Variants in ABCA13 observed in about 807,000 individuals in gnomAD.
ABCA13 encodes the protein ATP binding cassette subfamily A member 13.
A neutral mutation model predicts 478.7 loss-of-function variants in ABCA13; 476 were observed. The ratio of observed to expected loss-of-function variants is 0.99; its 90% CI spans 0.92 to 1.07. The LOEUF is 1.07. Ranked by LOEUF, ABCA13 falls within the 50% of genes least tolerant of loss-of-function variation. The pLI, the probability that ABCA13 is intolerant of heterozygous loss-of-function variation, is 0.00. For missense variants in ABCA13, 6,060 were observed against 5,910.6 expected, an observed-to-expected ratio of 1.03 and a Z score of -0.83; for synonymous variants, 2,252 against 2,158.9, an observed-to-expected ratio of 1.04 and a Z score of -1.20.
chr7:48,239,215 T>C (rs1472276796), intron 8 of ABCA13, 26 bp from the exon 9 acceptor site: 1 of 1,612,542 alleles, frequency 6.2e-7, no homozygotes, highest in African/African-American at 1.3e-5. Flanking sequence ...GCTTTATGTC[T>C]AAATATTTTT....
At chr7:48,345,986 A>G (rs185386053) in intron 29 of ABCA13, among the ~76,000 whole-genome samples, 1 of 152,334 alleles carries the variant, frequency 6.6e-6, no homozygotes, top group East Asian at 1.9e-4. Flanking sequence ...AATCCTTACC[A>G]TCGTGTTACA....
intron 43 of ABCA13, among the ~76,000 whole-genome samples, chr7:48,459,283 C>T (rs376391378): frequency 2.0e-5 from 3 of 152,202 alleles, no homozygotes; most frequent in East Asian, 3.9e-4. Flanking sequence ...CTCCATATTG[C>T]CCAAGGGATG....
chr7:48,635,654 G>A (rs1266717797), intron 59 of ABCA13, among the ~76,000 whole-genome samples: 3 of 152,176 alleles, frequency 2.0e-5, no homozygotes, highest in African/African-American at 7.2e-5. Flanking sequence ...TGTAGCTGGG[G>A]CCAGAATGAG....
intron 27 of ABCA13, among the ~76,000 whole-genome samples, chr7:48,325,786 G>A (rs747163092): frequency 6.6e-6 from 1 of 152,204 alleles, no homozygotes; most frequent in Non-Finnish European, 1.5e-5. Flanking sequence ...CTTGCCCCTA[G>A]AGCTGGGGCA....
chr7:48,525,309 C>T (rs763463678), intron 54 of ABCA13, among the ~76,000 whole-genome samples: 13 of 151,930 alleles, frequency 8.6e-5, no homozygotes, highest in Non-Finnish European at 1.5e-4. Flanking sequence ...TCTTACCCAT[C>T]TTATTGAACT....
At chr7:48,207,808 T>C (rs116948696) in intron 3 of ABCA13, among the ~76,000 whole-genome samples, 6,586 of 152,272 alleles carry the variant, frequency 0.043, 221 homozygotes, top group Admixed American at 0.11. Context: ...TTGAGCTTGA[T>C]GTGATCCATT....
At chr7:48,418,901 G>A (rs1403178421) in intron 41 of ABCA13, among the ~76,000 whole-genome samples, 1 of 152,152 alleles carries the variant, frequency 6.6e-6, no homozygotes, top group African/African-American at 2.4e-5. Flanking sequence ...AAATACCTGA[G>A]ACTGGGTAAT....
In ABCA13 at chr7:48,272,951, G is replaced by A; in HGVS notation, c.3285G>A (p.Leu1095=). The change falls in exon 17 of 62, where the codon TTG becomes TTA. Residue 1095 remains leucine (L), a synonymous_variant. Transcript: ENST00000435803. The stretch of plus-strand genomic sequence containing the variant: ...TCAACAGTTCAGTAGAAGACCTATT[G>A]GATAATAAATGCTTGATTTCGGACA... The part of the protein sequence containing the change: ...QFFNSSVEDL[L]DNKCLISDNK... 6.2e-7 allele frequency: 1 copy of A among 1,613,200 alleles called. No individual in the cohort carries two copies. Among genetic ancestry groups the A allele is most frequent in the Non-Finnish European group, 8.5e-7 (1 of 1,179,528 alleles).
In ABCA13 at chr7:48,271,818, A is replaced by T; in HGVS notation, c.2152A>T (p.Met718Leu). 1 of 1,544,216 alleles carries T rather than the reference A, an allele frequency of 6.5e-7. No homozygotes were observed. Among genetic ancestry groups the T allele is most frequent in the South Asian group, 1.2e-5 (1 of 80,250 alleles). ...AAATTTCACAAAGCACCTTCTAATG[A>T]TGGAAAAGAAGTTGCACACCCTTGA... is the stretch of plus-strand genomic sequence containing the variant. ...ALNFTKHLLM[M>L]EKKLHTLEDE... Residue 718 changes from methionine to leucine, a missense_variant, in exon 17 of 62, where the codon ATG becomes TTG. Met to Leu is a conservative substitution (Grantham distance 15, BLOSUM62 2). Coordinates refer to ENST00000435803, the MANE Select transcript of ABCA13 (RefSeq NM_152701.5).
At chr7:48,287,463 G>T (rs977349283) in intron 19 of ABCA13, among the ~76,000 whole-genome samples, 22 of 152,298 alleles carry the variant, frequency 1.4e-4, no homozygotes, top group African/African-American at 5.3e-4. Context: ...AGATGGGGAG[G>T]TTGGTTGGCT....
At chr7:48,205,319 A>AT (rs139073752) in intron 3 of ABCA13, among the ~76,000 whole-genome samples, 3 of 151,916 alleles carry the variant, frequency 2.0e-5, no homozygotes, top group African/African-American at 7.2e-5. Context: ...ATTTAACTGC[A>AT]TTTTTTTTCC....
At chr7:48,527,471 G>A (rs1832959513) in intron 54 of ABCA13, among the ~76,000 whole-genome samples, 1 of 152,102 alleles carries the variant, frequency 6.6e-6, no homozygotes, top group African/African-American at 2.4e-5. Flanking sequence ...GAAGGAGATT[G>A]ACAGAACCAG....
chr7:48,613,135 A>C (rs1792190262), intron 58 of ABCA13, among the ~76,000 whole-genome samples: 1 of 151,896 alleles, frequency 6.6e-6, no homozygotes, highest in Non-Finnish European at 1.5e-5. Flanking sequence ...AACATATATT[A>C]GTTCTTTATA....
At chr7:48,248,143 C>A in intron 13 of ABCA13, 96 bp from the exon 14 acceptor site, 2 of 969,576 alleles carry the variant, frequency 2.1e-6, no homozygotes, top group East Asian at 2.6e-5. Flanking sequence ...TTTGAGTGGA[C>A]CCCTTGTTTA....
At chr7:48,217,572 T>A (rs1786673818) in intron 3 of ABCA13, among the ~76,000 whole-genome samples, 1 of 152,176 alleles carries the variant, frequency 6.6e-6, no homozygotes. Flanking sequence ...AGTGTGACAC[T>A]GCTTTAAACA....
intron 50 of ABCA13, among the ~76,000 whole-genome samples, chr7:48,510,120 C>T (rs991337158): frequency 1.3e-5 from 2 of 152,178 alleles, no homozygotes; most frequent in Non-Finnish European, 2.9e-5. Flanking sequence ...CAAAGAGATT[C>T]TTATGAGAGG....
At chr7:48,323,652 G>C (rs1803859183) in intron 27 of ABCA13, among the ~76,000 whole-genome samples, 2 of 152,238 alleles carry the variant, frequency 1.3e-5, no homozygotes, top group Non-Finnish European at 2.9e-5. Context: ...AAGGTTGAAA[G>C]AGGATAAGTT....
At chr7:48,176,645 A>G (rs985091303) in intron 1 of ABCA13, among the ~76,000 whole-genome samples, 2 of 152,138 alleles carry the variant, frequency 1.3e-5, no homozygotes, top group Non-Finnish European at 2.9e-5. Flanking sequence ...TCTGAGTTCA[A>G]ATGCCATCCC....
At chr7:48,639,656 C>T (rs900883884) in intron 59 of ABCA13, among the ~76,000 whole-genome samples, 1 of 152,142 alleles carries the variant, frequency 6.6e-6, no homozygotes, top group Non-Finnish European at 1.5e-5. Context: ...TGTGAATAGA[C>T]TCCTCGTGGG....
Sources: allele counts gnomAD v4.1 joint callset (sites outside exome capture counted in the v4.1 genomes callset), GRCh38; gene constraint gnomAD v4.1.1; transcripts MANE v1.5; gene names NCBI Gene and HGNC (gene_info 2026-07-23, HGNC 2026-07-21).